ANO3: variants seen among roughly 807,000 people sequenced by gnomAD.
ANO3 encodes anoctamin 3.
Under a neutral mutation model 144.8 loss-of-function variants are expected in ANO3, and 99 were observed. The ratio of observed to expected loss-of-function variants is 0.68; its 90% CI spans 0.58 to 0.81. The LOEUF (loss-of-function observed/expected upper bound fraction) is 0.81, where lower values mean the gene tolerates loss of function less well. ANO3 is among the 30% of genes least tolerant of loss of function. ANO3 has a pLI of 0.00. For missense variants in ANO3, 905 were observed against 1,202.2 expected (o/e 0.75, Z 3.66); for synonymous variants, 414 against 392.6 (o/e 1.05, Z -0.64).
intron 1 of ANO3, among the ~76,000 whole-genome samples, chr11:26,295,044 G>T (rs908477325): frequency 6.6e-6 from 1 of 151,828 alleles, no homozygotes; most frequent in Non-Finnish European, 1.5e-5. Context: ...GACTATAGGC[G>T]TGCACCCACG....
At chr11:26,533,888 C>T (rs1446039069) in intron 8 of ANO3, among the ~76,000 whole-genome samples, 1 of 152,148 alleles carries the variant, frequency 6.6e-6, no homozygotes, top group Non-Finnish European at 1.5e-5. Flanking sequence ...GAGCAAGACC[C>T]AGGACACTTC....
chr11:26,267,359 T>G (rs1853339122), intron 1 of ANO3, among the ~76,000 whole-genome samples: 1 of 152,198 alleles, frequency 6.6e-6, no homozygotes, highest in Non-Finnish European at 1.5e-5. Context: ...TAAAGTCTTT[T>G]GCCAGAATTT....
chr11:26,404,294 T>C (rs1857222019), intron 1 of ANO3, among the ~76,000 whole-genome samples: 1 of 151,862 alleles, frequency 6.6e-6, no homozygotes, highest in Non-Finnish European at 1.5e-5. Flanking sequence ...TGATAAGTTT[T>C]ACCTTCTATT....
At chr11:26,351,916 A>T (rs540988946) in intron 1 of ANO3, among the ~76,000 whole-genome samples, 1 of 152,308 alleles carries the variant, frequency 6.6e-6, no homozygotes, top group South Asian at 2.1e-4. Flanking sequence ...GAGAGGGCTG[A>T]CAAAGGGACT....
rs1482624372 is a variant in ANO3, at chr11:26,661,066, A to G, written c.*622A>G. 1 of 152,582 alleles carries G rather than the reference A, an allele frequency of 6.6e-6. No homozygotes were observed. The highest frequency in any genetic ancestry group is 1.9e-4 in the East Asian group (1 of 5,182). The allele number at this position is 152,582 out of a possible 1,614,324, so 9.5% of individuals were successfully genotyped here. On this transcript the variant is annotated 3_prime_UTR_variant, in exon 27 of 27. Coordinates refer to ENST00000256737, the MANE Select transcript of ANO3 (RefSeq NM_031418.4). ...AGTTGCACATCACCTTTAGTAGTCA[A>G]ACCAAAAATCTAAGATTCCAAAAAG... is the stretch of plus-strand genomic sequence containing the variant.
At chr11:26,189,030 T>A (rs1463463535) in exon 1 of ANO3, 1 of 227,270 alleles carries the variant, frequency 4.4e-6, no homozygotes, top group Non-Finnish European at 7.3e-6. Context: ...GCATGTTTTA[T>A]TTCCTTTGGA....
intron 1 of ANO3, among the ~76,000 whole-genome samples, chr11:26,316,397 G>T (rs1032640694): frequency 6.6e-6 from 1 of 152,152 alleles, no homozygotes; most frequent in East Asian, 1.9e-4. Context: ...CATATCATCG[G>T]TATGCATAAG....
intron 17 of ANO3, among the ~76,000 whole-genome samples, chr11:26,619,159 G>C (rs1337704334): frequency 6.6e-6 from 1 of 152,050 alleles, no homozygotes; most frequent in Non-Finnish European, 1.5e-5. Context: ...GCATCTTACT[G>C]TATGTGCTCA....
chr11:26,219,129 C>T (rs912432333), intron 1 of ANO3, among the ~76,000 whole-genome samples: 3 of 152,090 alleles, frequency 2.0e-5, no homozygotes, highest in African/African-American at 7.2e-5. Context: ...CCGACATCCA[C>T]CATGAATTGT....
chr11:26,272,621 T>C (rs1489807396), intron 1 of ANO3, among the ~76,000 whole-genome samples: 1 of 152,110 alleles, frequency 6.6e-6, no homozygotes, highest in Admixed American at 6.6e-5. Context: ...TTGTAGAAGA[T>C]TTGGCTTCAA....
At chr11:26,567,028 A>G in intron 14 of ANO3, 4 of 1,462,756 alleles carry the variant, frequency 2.7e-6, no homozygotes, top group Non-Finnish European at 3.6e-6. Flanking sequence ...CAAAGTTTAC[A>G]GTATCATCTT....
At chr11:26,231,829 C>T (rs560126729) in intron 1 of ANO3, among the ~76,000 whole-genome samples, 3 of 152,230 alleles carry the variant, frequency 2.0e-5, no homozygotes, top group Non-Finnish European at 2.9e-5. Context: ...TATTATCATG[C>T]AATTATGACT....
intron 26 of ANO3, among the ~76,000 whole-genome samples, chr11:26,657,460 C>G (rs983555107): frequency 6.6e-6 from 1 of 152,074 alleles, no homozygotes; most frequent in South Asian, 2.1e-4. Flanking sequence ...TTTATTTACA[C>G]TTCTCCCCCC....
At chr11:26,655,874 C>T (rs1210284396) in intron 24 of ANO3, among the ~76,000 whole-genome samples, 1 of 151,380 alleles carries the variant, frequency 6.6e-6, no homozygotes, top group Admixed American at 6.6e-5. Flanking sequence ...TGTGTAGTAA[C>T]TACTTAATAA....
intron 12 of ANO3, among the ~76,000 whole-genome samples, chr11:26,549,922 T>C (rs1849886715): frequency 1.3e-5 from 2 of 151,932 alleles, no homozygotes; most frequent in Admixed American, 1.3e-4. Flanking sequence ...TCTTAGAGGA[T>C]TTCCAAGCCC....
At chr11:26,199,274 C>T (rs1483058764) in intron 1 of ANO3, among the ~76,000 whole-genome samples, 1 of 152,090 alleles carries the variant, frequency 6.6e-6, no homozygotes, top group East Asian at 1.9e-4. Context: ...AACTGAGCCT[C>T]ATATAGAAAT....
At chr11:26,339,095 G>A (rs374433285) in intron 1 of ANO3, among the ~76,000 whole-genome samples, 3 of 151,858 alleles carry the variant, frequency 2.0e-5, no homozygotes, top group African/African-American at 7.2e-5. Context: ...GCAAGTTAAC[G>A]CTTAATGAGT....
chr11:26,239,048 TTTATA>T (rs1322960582), intron 1 of ANO3, among the ~76,000 whole-genome samples: 1 of 149,356 alleles, frequency 6.7e-6, no homozygotes, highest in African/African-American at 2.4e-5. Flanking sequence ...TAATTTAATA[TTTATA>T]TTAATTATAA....
At chr11:26,285,609 C>T (rs1304538658) in intron 1 of ANO3, 1 of 152,068 alleles carries the variant, frequency 6.6e-6, no homozygotes, top group Non-Finnish European at 1.5e-5. Context: ...TAATAAATAA[C>T]ACAAAATAAG....
Sources: allele counts gnomAD v4.1 joint callset (sites outside exome capture counted in the v4.1 genomes callset), GRCh38; gene constraint gnomAD v4.1.1; transcripts MANE v1.5; gene names NCBI Gene and HGNC (gene_info 2026-07-23, HGNC 2026-07-21).